Variants in SETD2 observed in about 807,000 individuals in gnomAD.
SETD2 encodes SET domain containing 2, histone lysine methyltransferase.
Under a neutral mutation model 242.1 loss-of-function variants are expected in SETD2, and 31 were observed. The observed-to-expected ratio is 0.13, with a 90% CI of 0.10 to 0.17. SETD2 has a LOEUF of 0.17. Among genes scored for constraint, SETD2 ranks in the 10% least tolerant of loss-of-function variants. The pLI, the probability that SETD2 is intolerant of heterozygous loss-of-function variation, is 1.00. For missense variants in SETD2, 2,481 were observed against 3,046.3 expected (o/e 0.81, Z 4.37); for synonymous variants, 1,006 against 1,066.5 (o/e 0.94, Z 1.11).
chr3:47,163,754 C>T (rs2106867365), intron 1 of SETD2, 100 bp downstream of exon 1: 1 of 1,077,470 alleles, frequency 9.3e-7, no homozygotes, highest in Non-Finnish European at 1.2e-6. Context: ...GGGCCTGTTA[C>T]TCCTCGCGCC....
At chr3:47,090,595 T>G (rs113172919) in intron 9 of SETD2, among the ~76,000 whole-genome samples, 2 of 152,144 alleles carry the variant, frequency 1.3e-5, no homozygotes, top group Admixed American at 1.3e-4. Flanking sequence ...TTTCACCATG[T>G]TAGCCAGGAT....
intron 15 of SETD2, among the ~76,000 whole-genome samples, chr3:47,050,721 C>CTTTTTTT (rs1207924691): frequency 4.3e-5 from 3 of 70,376 alleles, no homozygotes; most frequent in Admixed American, 1.4e-4. Context: ...CATTTCCTCT[C>CTTTTTTT]TCTTTTTTTT....
intron 1 of SETD2, among the ~76,000 whole-genome samples, chr3:47,160,817 C>CT (rs1314287723): frequency 4.6e-5 from 7 of 152,194 alleles, no homozygotes; most frequent in African/African-American, 1.2e-4. Context: ...ACTGGATCTA[C>CT]TTTGCCGTGT....
chr3:47,021,833 C>T (rs1421605647), intron 18 of SETD2, among the ~76,000 whole-genome samples: 3 of 152,136 alleles, frequency 2.0e-5, no homozygotes, highest in Admixed American at 1.3e-4. Context: ...ACCCCCCACT[C>T]CAAAAAAGTC....
chr3:47,037,881 CATAGA>C, intron 17 of SETD2, 104 bp from the exon 18 acceptor site: 1 of 810,786 alleles, frequency 1.2e-6, no homozygotes, highest in Non-Finnish European at 2.1e-6. Context: ...TACAATAAGA[CATAGA>C]ATAAGTCAGC....
Position 47,062,337 on chromosome 3 carries a change from C to G in SETD2, c.6119G>C (p.Arg2040Pro), listed in dbSNP as rs1244929991. The G allele has an allele frequency of 1.3e-6, 2 of 1,591,502 alleles. No individual in the cohort carries two copies. Among genetic ancestry groups the G allele is most frequent in the Admixed American group, 3.5e-5 (2 of 56,486 alleles). ...TCTGAAGCCAACAGCATCCCTTCCT[C>G]GTTCAGTTGCTAAGGGAAAAGGGTG... ...QTEKENTTTERGRDAVGFRDQ... is the reference protein window; with the variant it reads ...QTEKENTTTEPGRDAVGFRDQ... The change falls in exon 14 of 21, where the codon CGA becomes CCA. Residue 2040 changes from arginine (R) to proline (P), a missense_variant. Physicochemically the swap from Arg to Pro is moderately radical, Grantham distance 103. Transcript: ENST00000409792.
At chr3:47,046,432 C>A in intron 16 of SETD2, 55 bp downstream of exon 16, 3 of 1,410,962 alleles carry the variant, frequency 2.1e-6, no homozygotes, top group African/African-American at 1.5e-5. Context: ...AAAAGAAAAC[C>A]TTCCAAAGAC....
chr3:47,133,687 C>T (rs1450019152), intron 1 of SETD2, among the ~76,000 whole-genome samples: 1 of 152,140 alleles, frequency 6.6e-6, no homozygotes, highest in Non-Finnish European at 1.5e-5. Context: ...GAGCCAACAT[C>T]ACGCCACTGT....
At chr3:47,066,765 A>C (rs1458444375) in intron 13 of SETD2, among the ~76,000 whole-genome samples, 1 of 148,832 alleles carries the variant, frequency 6.7e-6, no homozygotes, top group Non-Finnish European at 1.5e-5. Context: ...ATAATAAAAG[A>C]AAAAAAGACT....
chr3:47,044,093 A>G lies in SETD2; in HGVS notation c.7099-1393T>C, dbSNP rs1211940241. 3.3e-5 allele frequency among the ~76,000 whole-genome samples: 5 copies of G among 152,108 alleles called. No individual in the cohort carries two copies. The East Asian group carries it at 9.6e-4, about 29-fold the overall frequency. ...CACAGTGGCTCATGCCTGTAATCCCAGCACTTTGGAAGGCCGAGGCAGGTG... is the reference window on the plus strand; with the variant it reads ...CACAGTGGCTCATGCCTGTAATCCCGGCACTTTGGAAGGCCGAGGCAGGTG... On this transcript the variant is annotated intron_variant, in intron 16 of 20. Transcript: ENST00000409792.
At chr3:47,149,763 G>A (rs953168022) in intron 1 of SETD2, among the ~76,000 whole-genome samples, 2 of 152,132 alleles carry the variant, frequency 1.3e-5, no homozygotes, top group Admixed American at 1.3e-4. Flanking sequence ...AATGTTAGCT[G>A]AATAAATTGT....
chr3:47,078,269 T>C (rs1014264923), intron 12 of SETD2, among the ~76,000 whole-genome samples: 3 of 152,180 alleles, frequency 2.0e-5, no homozygotes, highest in Non-Finnish European at 4.4e-5. Context: ...ACAATGCTAG[T>C]AATGGGACAA....
At chr3:47,086,374 A>C (rs1020433630) in intron 10 of SETD2, 60 bp from the exon 11 acceptor site, 5 of 1,567,912 alleles carry the variant, frequency 3.2e-6, no homozygotes, top group Non-Finnish European at 4.4e-6. Flanking sequence ...AGAATATTAC[A>C]AAGAGCCCGA....
At chr3:47,026,137 T>G (rs1218602412) in intron 18 of SETD2, among the ~76,000 whole-genome samples, 1 of 152,122 alleles carries the variant, frequency 6.6e-6, no homozygotes, top group East Asian at 1.9e-4. Flanking sequence ...CATCAAAACG[T>G]GGGCATGGAT....
chr3:47,062,437 T>C, intron 13 of SETD2, 91 bp from the exon 14 acceptor site: 1 of 1,184,106 alleles, frequency 8.4e-7, no homozygotes, highest in Non-Finnish European at 1.2e-6. Flanking sequence ...AACTGTATAA[T>C]AAAACTTCTA....
At position 47,122,002 on chromosome 3, in the gene SETD2, A is replaced by G. The variant is rs779763630; in HGVS notation, c.2634T>C (p.Gly878=). The part of the protein sequence containing the change: ...DDLYQPIGSS[G]IASSLQSLPP... The stretch of plus-strand genomic sequence containing the variant: ...GAAGACTCTGAAGAGATGAAGCAAT[A>G]CCTGAACTCCCAATAGGTTGATATA... The change falls in exon 3 of 21, where the codon GGT becomes GGC. Residue 878 remains glycine, a synonymous_variant. Transcript: ENST00000409792. 2 of 1,613,968 alleles carry G rather than the reference A, an allele frequency of 1.2e-6. No homozygotes were observed. Among genetic ancestry groups the G allele is most frequent in the South Asian group, 1.1e-5 (1 of 91,088 alleles).
rs537154191 is a variant in SETD2, at chr3:47,120,632, C to T, written c.4004G>A (p.Arg1335His). The T allele has an allele frequency of 8.7e-6, 14 of 1,614,046 alleles. No individual in the cohort carries two copies. In the South Asian group the frequency reaches 1.1e-4, roughly 13 times the overall value. ...TTGATCCCAATTCTCCTCTTCTTCA[C>T]GATCATCTGTTAGGGAATCTGGTAC... ...GQVPDSLTDD[R>H]EEEENWDQQD... Residue 1335 changes from arginine (R) to histidine (H), a missense_variant, in exon 3 of 21, where the codon CGT becomes CAT. By Grantham distance (29) the Arg-to-His change is conservative. Around this residue, in one of 17 missense-constraint regions of SETD2, gnomAD observed 1,300 missense variants for 1,259.2 expected, o/e 1.03. Coordinates refer to ENST00000409792, the MANE Select transcript of SETD2 (RefSeq NM_014159.7).
At chr3:47,111,539 C>T (rs2042652353) in intron 5 of SETD2, among the ~76,000 whole-genome samples, 1 of 152,020 alleles carries the variant, frequency 6.6e-6, no homozygotes, top group Admixed American at 6.6e-5. Flanking sequence ...CAGGATACTC[C>T]AGCGAGGGTG....
rs1158364422 is a variant in SETD2 at position 47,086,219 on chromosome 3, T to C, written c.5373A>G (p.Glu1791=). Reference sequence around the variant, plus strand: ...CCTCTTCCTGAAGCTTCTGGTTACTTTCCCGGCCGTCACCTAGCTCTGCCA... The same window carrying C: ...CCTCTTCCTGAAGCTTCTGGTTACTCTCCCGGCCGTCACCTAGCTCTGCCA... The part of the protein sequence containing the change: ...IWMAELGDGR[E]SNQKLQEEII... Residue 1791 remains glutamate, a synonymous_variant, in exon 11 of 21, where the codon GAA becomes GAG. Coordinates refer to ENST00000409792, the MANE Select transcript of SETD2 (RefSeq NM_014159.7). The C allele has an allele frequency of 2.5e-6, 4 of 1,612,854 alleles. No individual in the cohort carries two copies. In the Admixed American group the frequency reaches 5.0e-5, roughly 20 times the overall value.
Sources: gnomAD v4.1 joint callset for allele counts (sites outside exome capture counted in the v4.1 genomes callset) on GRCh38, gnomAD v4.1.1 for gene constraint, gnomAD v4.1.1 regional missense constraint, MANE v1.5 for transcripts, NCBI Gene and HGNC (gene_info 2026-07-23, HGNC 2026-07-21) for gene names.